NRG1: variants seen among roughly 807,000 people sequenced by gnomAD.
NRG1 encodes the protein pro-neuregulin-1, membrane-bound isoform.
Under a neutral mutation model 63.8 loss-of-function variants are expected in NRG1, and 18 were observed. That is an observed-to-expected ratio of 0.28 (90% CI 0.19 to 0.42). The LOEUF is 0.42. Ranked by LOEUF, NRG1 falls within the 10% of genes least tolerant of loss-of-function variation. NRG1 has a pLI of 1.00. For missense variants in NRG1, 762 were observed against 814.7 expected (o/e 0.94, Z 0.79); for synonymous variants, 302 against 301.3 (o/e 1.00, Z -0.02).
chr8:32,415,703 ATTCCCCCTTT>A (rs1815805518), intron 1 of NRG1, among the ~76,000 whole-genome samples: 1 of 152,052 alleles, frequency 6.6e-6, no homozygotes, highest in Non-Finnish European at 1.5e-5. Context: ...TGTACACTTC[ATTCCCCCTTT>A]TTCCCCCTTT....
At chr8:32,087,518 GTCAC>G (rs1168903501) in intron 1 of NRG1, among the ~76,000 whole-genome samples, 1 of 99,282 alleles carries the variant, frequency 1.0e-5, no homozygotes, top group Non-Finnish European at 1.7e-5. Context: ...CTGTCACTCT[GTCAC>G]TCAGGCTGGA....
intron 1 of NRG1, among the ~76,000 whole-genome samples, chr8:31,946,985 T>C (rs1802644435): frequency 6.6e-6 from 1 of 152,200 alleles, no homozygotes; most frequent in South Asian, 2.1e-4. Flanking sequence ...ATTCAAACAG[T>C]ACTTTGTGTT....
At chr8:32,725,397 A>G (rs958381235) in intron 5 of NRG1, among the ~76,000 whole-genome samples, 2 of 148,446 alleles carry the variant, frequency 1.3e-5, no homozygotes, top group Admixed American at 6.7e-5. Context: ...TTGTCATCCT[A>G]TGGAATTCTG....
intron 1 of NRG1, among the ~76,000 whole-genome samples, chr8:32,394,008 G>T (rs1812122327): frequency 1.3e-5 from 2 of 151,928 alleles, no homozygotes; most frequent in Non-Finnish European, 2.9e-5. Flanking sequence ...TTTATATTCT[G>T]TAGGCCTTAT....
intron 1 of NRG1, among the ~76,000 whole-genome samples, chr8:31,822,944 A>G (rs1824146021): frequency 6.6e-6 from 1 of 152,152 alleles, no homozygotes; most frequent in South Asian, 2.1e-4. Flanking sequence ...TGATGTGGCT[A>G]CAAATATTAG....
chr8:32,618,983 C>A (rs541515807), intron 5 of NRG1, among the ~76,000 whole-genome samples: 1 of 152,034 alleles, frequency 6.6e-6, no homozygotes, highest in Admixed American at 6.6e-5. Context: ...GAGGCCAAGG[C>A]GGGAAGATTG....
chr8:32,510,119 A>ATCATCATCATCATC (rs1554566660), intron 1 of NRG1, among the ~76,000 whole-genome samples: 1 of 106,710 alleles, frequency 9.4e-6, no homozygotes, highest in African/African-American at 3.1e-5. Context: ...TAATAATAAT[A>ATCATCATCATCATC]ATAATAATCA....
chr8:32,077,300 G>C (rs1025291975), intron 1 of NRG1, among the ~76,000 whole-genome samples: 3 of 152,296 alleles, frequency 2.0e-5, no homozygotes, highest in South Asian at 4.1e-4. Flanking sequence ...CCGGGAGGCA[G>C]AGGTTGCAGT....
intron 1 of NRG1, among the ~76,000 whole-genome samples, chr8:32,246,929 T>G (rs865835827): frequency 6.6e-6 from 1 of 152,048 alleles, no homozygotes; most frequent in Non-Finnish European, 1.5e-5. Flanking sequence ...AATAAAGTGT[T>G]GTACATTTCA....
chr8:32,526,415 A>T (rs1003897571), intron 1 of NRG1, among the ~76,000 whole-genome samples: 2 of 152,238 alleles, frequency 1.3e-5, no homozygotes, highest in Admixed American at 1.3e-4. Context: ...TTTGTGTGAC[A>T]TAATCACAGA....
chr8:32,349,733 C>G (rs1805352767), intron 1 of NRG1, among the ~76,000 whole-genome samples: 1 of 152,130 alleles, frequency 6.6e-6, no homozygotes, highest in Non-Finnish European at 1.5e-5. Flanking sequence ...GAGTCCAATT[C>G]CCAAAATTAG....
intron 1 of NRG1, among the ~76,000 whole-genome samples, chr8:32,083,131 A>T (rs2131176830): frequency 6.6e-6 from 1 of 152,324 alleles, no homozygotes; most frequent in South Asian, 2.1e-4. Flanking sequence ...CTCACAAACA[A>T]CAGCTGCATG....
chr8:32,557,333 A>G (rs555461125), intron 1 of NRG1, among the ~76,000 whole-genome samples: 3 of 152,326 alleles, frequency 2.0e-5, no homozygotes, highest in African/African-American at 4.8e-5. Flanking sequence ...GTGTGTACGT[A>G]TCAAATCTGT....
At chr8:32,382,026 G>A (rs1408710340) in intron 1 of NRG1, among the ~76,000 whole-genome samples, 1 of 152,150 alleles carries the variant, frequency 6.6e-6, no homozygotes, top group Non-Finnish European at 1.5e-5. Context: ...GCATGAATGA[G>A]ATGATAACAA....
chr8:32,433,672 G>A (rs1319994535), intron 1 of NRG1, among the ~76,000 whole-genome samples: 1 of 151,970 alleles, frequency 6.6e-6, no homozygotes, highest in Non-Finnish European at 1.5e-5. Context: ...TTCGGTGCCC[G>A]GCAACACAGA....
chr8:32,373,692 C>T (rs1809233361), intron 1 of NRG1, among the ~76,000 whole-genome samples: 1 of 152,086 alleles, frequency 6.6e-6, no homozygotes, highest in African/African-American at 2.4e-5. Flanking sequence ...GCAGGAGAAT[C>T]GCTTGATCCT....
intron 1 of NRG1, 96 bp from the exon 2 acceptor site, chr8:32,595,727 TTGGAA>T (rs1270644863): frequency 1.9e-6 from 2 of 1,071,578 alleles, no homozygotes; most frequent in Non-Finnish European, 2.6e-6. Flanking sequence ...AATAAAACCT[TTGGAA>T]TGGTGCCTTG....
At chr8:32,632,027 G>A (rs919430404) in intron 5 of NRG1, among the ~76,000 whole-genome samples, 2 of 152,082 alleles carry the variant, frequency 1.3e-5, no homozygotes, top group Admixed American at 1.3e-4. Flanking sequence ...TAAGTTAATA[G>A]CAAAGTAAAT....
At chr8:32,713,447 C>A (rs1818310981) in intron 5 of NRG1, among the ~76,000 whole-genome samples, 1 of 152,002 alleles carries the variant, frequency 6.6e-6, no homozygotes, top group Admixed American at 6.6e-5. Flanking sequence ...AACTGGCATC[C>A]TAGACCTTCC....
Sources: allele counts gnomAD v4.1 joint callset (sites outside exome capture counted in the v4.1 genomes callset), GRCh38; gene constraint gnomAD v4.1.1; transcripts MANE v1.5; gene names NCBI Gene and HGNC (gene_info 2026-07-23, HGNC 2026-07-21).